The following MYO6 variants were observed in gnomAD, a reference collection of about 807,000 sequenced individuals.
MYO6 encodes the protein myosin VI, also known as unconventional myosin-VI.
Under a neutral mutation model 178.7 loss-of-function variants are expected in MYO6, and 74 were observed. That is an observed-to-expected ratio of 0.41 (90% CI 0.34 to 0.50). The LOEUF is 0.50. MYO6 is among the 20% of genes least tolerant of loss of function. The pLI is 0.09. For missense variants in MYO6, 1,330 were observed against 1,547.4 expected, an observed-to-expected ratio of 0.86 and a Z score of 2.36; for synonymous variants, 477 against 504.6, an observed-to-expected ratio of 0.95 and a Z score of 0.73.
intron 1 of MYO6, among the ~76,000 whole-genome samples, chr6:75,750,141 G>C (rs1333185746): frequency 6.7e-6 from 1 of 150,004 alleles, no homozygotes; most frequent in East Asian, 1.9e-4. Flanking sequence ...TGTCGCCCAG[G>C]CTGGAGTGCG....
rs191347705 is a variant in MYO6, at chr6:75,884,291, T to G, written c.2417-1713T>G. 2.7e-4 allele frequency among the ~76,000 whole-genome samples: 41 copies of G among 152,352 alleles called. No homozygotes were observed. The East Asian group carries it at 6.0e-3, about 22-fold the overall frequency. On this transcript the variant is annotated intron_variant, in intron 23 of 34. Coordinates refer to ENST00000369977, the MANE Select transcript of MYO6 (RefSeq NM_004999.4). The stretch of plus-strand genomic sequence containing the variant: ...TAGGATTCTCAGAGGCTTCACTCAG[T>G]ATGTTCATTGTGAACCTCCATACAG...
intron 20 of MYO6, among the ~76,000 whole-genome samples, chr6:75,879,197 G>T (rs1287788182): frequency 6.6e-6 from 1 of 152,088 alleles, no homozygotes; most frequent in Non-Finnish European, 1.5e-5. Flanking sequence ...GTGACACAGA[G>T]TCTTCTAACA....
chr6:75,773,407 G>T (rs1415240750), intron 1 of MYO6, among the ~76,000 whole-genome samples: 1 of 152,186 alleles, frequency 6.6e-6, no homozygotes, highest in Non-Finnish European at 1.5e-5. Context: ...TAAGACTAAT[G>T]AGGTGATTCA....
intron 30 of MYO6, 59 bp from the exon 31 acceptor site, chr6:75,907,546 T>C: frequency 7.5e-7 from 1 of 1,329,986 alleles, no homozygotes; most frequent in Admixed American, 1.7e-5. Context: ...CTTGCCTCTT[T>C]AGTCAATGTT....
intron 1 of MYO6, among the ~76,000 whole-genome samples, chr6:75,759,409 C>T (rs1777754152): frequency 6.6e-6 from 1 of 152,058 alleles, no homozygotes; most frequent in Non-Finnish European, 1.5e-5. Context: ...TCTTAGTTCT[C>T]CAGAAATTAC....
At chr6:75,780,576 T>C (rs975513973) in intron 1 of MYO6, among the ~76,000 whole-genome samples, 1 of 152,238 alleles carries the variant, frequency 6.6e-6, no homozygotes, top group South Asian at 2.1e-4. Flanking sequence ...AATACTGATA[T>C]ACATCTGTTC....
At chr6:75,809,910 A>AC (rs1562190385) in intron 1 of MYO6, among the ~76,000 whole-genome samples, 1 of 149,088 alleles carries the variant, frequency 6.7e-6, no homozygotes, top group African/African-American at 2.5e-5. Flanking sequence ...TAAAAAAAAA[A>AC]AAAAAACAAA....
At chr6:75,822,940 C>A in intron 3 of MYO6, 89 bp downstream of exon 3, 1 of 1,013,380 alleles carries the variant, frequency 9.9e-7, no homozygotes, top group Non-Finnish European at 1.6e-6. Flanking sequence ...AACTGATACA[C>A]TGTGCGGGTT....
At chr6:75,823,001 C>T (rs941558707) in intron 3 of MYO6, 150 bp downstream of exon 3, 3 of 667,902 alleles carry the variant, frequency 4.5e-6, no homozygotes, top group Middle Eastern at 4.2e-4. Context: ...TGAAGGAACT[C>T]GAGTCCTCCA....
At position 75,911,705 on chromosome 6, in the gene MYO6, C is replaced by A; in HGVS notation, c.3439+7C>A. 2 of 1,611,090 alleles carry A rather than the reference C, an allele frequency of 1.2e-6. No individual in the cohort carries two copies. Among genetic ancestry groups the A allele is most frequent in the Non-Finnish European group, 1.7e-6 (2 of 1,177,552 alleles). ...CCATTTTTGAACAATTCACGTAAGT[C>A]AATGGGTGGTAACTCATGAGCTAAC... is the stretch of plus-strand genomic sequence containing the variant. On this transcript the variant is annotated splice_region_variant and intron_variant, in intron 33 of 34. Transcript: ENST00000369977.
intron 1 of MYO6, among the ~76,000 whole-genome samples, chr6:75,810,871 G>A (rs909009241): frequency 5.9e-5 from 9 of 152,194 alleles, no homozygotes; most frequent in Non-Finnish European, 4.4e-5. Flanking sequence ...GCCAGGTGCA[G>A]TGGCTTATGC....
At position 75,855,124 on chromosome 6, in the gene MYO6, A is replaced by G. The variant is rs1395242148; in HGVS notation, c.1079-15A>G. Reference sequence around the variant, plus strand: ...ATAATACTTATTAATTTCAATGAAAATATATTTCTATTAGGTGGTTGTAAT... The same window carrying G: ...ATAATACTTATTAATTTCAATGAAAGTATATTTCTATTAGGTGGTTGTAAT... On this transcript the variant is annotated splice_polypyrimidine_tract_variant and intron_variant, in intron 11 of 34. Transcript: ENST00000369977. 2.5e-6 allele frequency: 4 copies of G among 1,577,504 alleles called. No individual in the cohort carries two copies. Among genetic ancestry groups the G allele is most frequent in the Admixed American group, 3.4e-5 (2 of 59,066 alleles).
chr6:75,771,009 T>A (rs957406629), intron 1 of MYO6, among the ~76,000 whole-genome samples: 2 of 151,836 alleles, frequency 1.3e-5, no homozygotes, highest in African/African-American at 4.8e-5. Context: ...TTTCTTTTTT[T>A]TTTTTTCCCC....
intron 13 of MYO6, among the ~76,000 whole-genome samples, chr6:75,858,059 A>AATT (rs5877462): frequency 0.13 from 19,601 of 150,914 alleles, 1,342 homozygotes; most frequent in Non-Finnish European, 0.15. Context: ...AAAGGTAGAG[A>AATT]ATTATTATTA....
rs71002774 is a variant in MYO6, at chr6:75,907,794, A to ATGTG, written c.3280+106_3280+109dup. The ATGTG allele has an allele frequency of 0.11, 82,595 of 747,356 alleles. 1,840 individuals carry two copies. Among genetic ancestry groups the ATGTG allele is most frequent in the African/African-American group, 0.16 (9,072 of 57,566 alleles). The allele number at this position is 747,356 out of a possible 1,614,324, so 46.3% of individuals were successfully genotyped here. ...AGATTAGGGTGAGGTGTGTGTGTGT[A>ATGTG]TGTGTGTGTGTGTGTGTGTGTGTAT... is the stretch of plus-strand genomic sequence containing the variant. On this transcript the variant is annotated intron_variant, in intron 31 of 34. Transcript: ENST00000369977.
At chr6:75,755,241 T>C (rs1334898582) in intron 1 of MYO6, among the ~76,000 whole-genome samples, 1 of 152,056 alleles carries the variant, frequency 6.6e-6, no homozygotes, top group Non-Finnish European at 1.5e-5. Flanking sequence ...TCTAAATAAA[T>C]AAATACATTA....
chr6:75,907,282 A>G (rs757070292), intron 30 of MYO6, among the ~76,000 whole-genome samples: 1 of 152,166 alleles, frequency 6.6e-6, no homozygotes, highest in African/African-American at 2.4e-5. Flanking sequence ...ATGTCAGTAT[A>G]TTTTTCAACT....
At chr6:75,758,914 C>T (rs550148219) in intron 1 of MYO6, among the ~76,000 whole-genome samples, 7 of 149,686 alleles carry the variant, frequency 4.7e-5, no homozygotes, top group East Asian at 4.0e-4. Context: ...CTGTTGCCCA[C>T]GCTGGAGTGC....
chr6:75,776,168 T>C (rs986115389), intron 1 of MYO6, among the ~76,000 whole-genome samples: 7 of 152,218 alleles, frequency 4.6e-5, no homozygotes, highest in African/African-American at 1.4e-4. Flanking sequence ...CAGGGCCTAG[T>C]ACTTTTCCCT....
Sources: allele counts gnomAD v4.1 joint callset (sites outside exome capture counted in the v4.1 genomes callset), GRCh38; gene constraint gnomAD v4.1.1; transcripts MANE v1.5; gene names NCBI Gene and HGNC (gene_info 2026-07-23, HGNC 2026-07-21).